TAF1: variants seen among roughly 807,000 people sequenced by gnomAD.
The protein encoded by TAF1 is transcription initiation factor TFIID subunit 1.
Under a neutral mutation model 138.5 loss-of-function variants are expected in TAF1, and 2 were observed. That is an observed-to-expected ratio of 0.01 (90% confidence interval 0.01 to 0.05). TAF1 has a LOEUF of 0.05. TAF1 is among the 10% of genes least tolerant of loss of function. TAF1 has a pLI of 1.00. For synonymous variants in TAF1, 437 were observed against 503.2 expected (o/e 0.87, Z 1.76); for missense variants, 709 against 1,478.0 (o/e 0.48, Z 8.53).
chrX:71,410,081 C>T (rs1300507909), intron 28 of TAF1, among the ~76,000 whole-genome samples: 3 of 109,048 alleles, frequency 2.8e-5, no homozygotes, highest in South Asian at 3.9e-4. Flanking sequence ...TCAGTAGAGA[C>T]GGGATTTCTC....
At chrX:71,455,135 C>A in intron 34 of TAF1, 1 of 958,862 alleles carries the variant, frequency 1.0e-6, no homozygotes, top group Non-Finnish European at 1.4e-6. Flanking sequence ...CTGACCCAGC[C>A]ATCCTCTGGG....
chrX:71,376,418 C>T lies in TAF1; in HGVS notation c.473-532C>T, dbSNP rs183137875. Among the ~76,000 whole-genome samples, 5 of 110,768 alleles carry T rather than the reference C, an allele frequency of 4.5e-5. No homozygotes were observed. The East Asian group carries it at 1.1e-3, about 25-fold the overall frequency. Reference sequence around the variant, plus strand: ...GGTGTGGTGGCTCACACCTGTAATCCGAGCACTTTGGGAGGTGGAGGCAGA... The same window carrying T: ...GGTGTGGTGGCTCACACCTGTAATCTGAGCACTTTGGGAGGTGGAGGCAGA... On this transcript the variant is annotated intron_variant, in intron 4 of 37. Transcript: ENST00000423759.
intron 29 of TAF1, 65 bp from the exon 30 acceptor site, chrX:71,423,052 A>C: frequency 8.4e-7 from 1 of 1,191,468 alleles, no homozygotes; most frequent in Non-Finnish European, 1.1e-6. Context: ...AATTGTCCTT[A>C]ACTTTTCTAT....
At chrX:71,497,894 G>A (rs1198654230) in intron 13 of TAF1, among the ~76,000 whole-genome samples, 1 of 111,751 alleles carries the variant, frequency 8.9e-6, no homozygotes, top group Non-Finnish European at 1.9e-5. Context: ...CTAGGGTGAG[G>A]ATAAGCCAGT....
chrX:71,392,531 GT>G (rs1312285821), intron 18 of TAF1, 37 bp from the exon 19 acceptor site: 1 of 1,124,305 alleles, frequency 8.9e-7, no homozygotes, highest in East Asian at 3.1e-5. Flanking sequence ...TAGAACAAAT[GT>G]TTCCCACTGC....
intron 13 of TAF1, among the ~76,000 whole-genome samples, chrX:71,508,811 AT>A (rs1261183694): frequency 5.6e-4 from 55 of 98,463 alleles, no homozygotes; most frequent in African/African-American, 8.1e-4. Context: ...CTTATCTTGA[AT>A]TTTTTTTTTT....
Position 71,368,186 on chromosome X carries a change from A to G in TAF1, c.352+16A>G. ...TGCCACTCAGGTGATTCTTTGGTGT[A>G]TTGGCTTGAACATTCCAGTGCATTA... On this transcript the variant is annotated intron_variant, in intron 3 of 37. Transcript: ENST00000423759. 5.8e-6 allele frequency: 7 copies of G among 1,202,015 alleles called. 1 individual carries two copies. In the South Asian group the frequency reaches 1.2e-4, roughly 21 times the overall value.
At chrX:71,486,939 T>A (rs886736768) in intron 13 of TAF1, among the ~76,000 whole-genome samples, 1 of 110,421 alleles carries the variant, frequency 9.1e-6, no homozygotes, top group Non-Finnish European at 1.9e-5. Context: ...TAGTCTACTT[T>A]CTATTTTTGT....
In TAF1 at chrX:71,407,997, C is replaced by T; in HGVS notation, c.4230C>T (p.Val1410=). ...AGACATACCCTTTCCACACTCCAGTCAATGCAAAGGTTGTAAAGGACTACT... is the reference window on the plus strand; with the variant it reads ...AGACATACCCTTTCCACACTCCAGTTAATGCAAAGGTTGTAAAGGACTACT... ...LPNTYPFHTP[V]NAKVVKDYYK... is the part of the protein sequence containing the mutation. Residue 1410 remains valine (V), a synonymous_variant, in exon 28 of 38, where the codon GTC becomes GTT. Coordinates refer to ENST00000423759, the MANE Select transcript of TAF1 (RefSeq NM_004606.5). 1 of 1,210,441 alleles carries T rather than the reference C, an allele frequency of 8.3e-7. No homozygotes were observed. The highest frequency in any genetic ancestry group is 1.1e-6 in the Non-Finnish European group (1 of 895,132).
Position 71,387,330 on chromosome X carries a change from A to G in TAF1, c.2296A>G (p.Ile766Val), listed in dbSNP as rs1283513368. ...HKMPETDFLIIRTRQGYYIRE... is the reference protein window; with the variant it reads ...HKMPETDFLIVRTRQGYYIRE... ...GATGCCAGAAACTGATTTCTTGATC[A>G]TTCGGACAAGACAGGGTTACTATAT... Residue 766 changes from isoleucine to valine, a missense_variant, in exon 15 of 38, where the codon ATT (isoleucine) becomes GTT (valine). By Grantham distance (29) the Ile-to-Val change is conservative (BLOSUM62 3). Transcript: ENST00000423759. 1 of 1,210,494 alleles carries G rather than the reference A, an allele frequency of 8.3e-7. No homozygotes were observed. Among genetic ancestry groups the G allele is most frequent in the East Asian group, 3.0e-5 (1 of 33,807 alleles).
intron 13 of TAF1, among the ~76,000 whole-genome samples, chrX:71,524,640 G>C (rs1602116816): frequency 9.5e-6 from 1 of 105,799 alleles, no homozygotes; most frequent in East Asian, 3.0e-4. Flanking sequence ...GCAAGATCCT[G>C]TTTCTAAAAA....
At chrX:71,518,842 C>T (rs1216428075) in intron 13 of TAF1, among the ~76,000 whole-genome samples, 1 of 104,219 alleles carries the variant, frequency 9.6e-6, no homozygotes, top group Non-Finnish European at 2.0e-5. Flanking sequence ...ACTACAGGCG[C>T]GTGCCACCAT....
At chrX:71,398,770 G>A (rs1400059429) in intron 24 of TAF1, 33 bp downstream of exon 24, 1 of 1,162,079 alleles carries the variant, frequency 8.6e-7, no homozygotes, top group East Asian at 3.0e-5. Context: ...ACAGCTAACG[G>A]AGCAAAGGAA....
intron 14 of TAF1, 97 bp downstream of exon 14, chrX:71,385,146 A>G (rs976801253): frequency 5.0e-6 from 3 of 605,320 alleles, no homozygotes; most frequent in Non-Finnish European, 5.0e-6. Flanking sequence ...TAGTTGATTG[A>G]GATGCTTTAA....
intron 3 of TAF1, among the ~76,000 whole-genome samples, chrX:71,372,847 T>C (rs1042459924): frequency 8.9e-6 from 1 of 111,808 alleles, no homozygotes; most frequent in African/African-American, 3.3e-5. Flanking sequence ...AGTTTAGTAG[T>C]AGGAAGTTGC....
intron 25 of TAF1, among the ~76,000 whole-genome samples, chrX:71,403,718 A>G (rs899090221): frequency 4.5e-5 from 5 of 110,949 alleles, no homozygotes; most frequent in African/African-American, 9.8e-5. Context: ...TAATTCTAGC[A>G]TTTCTTCAAC....
At chrX:71,384,267 T>C in intron 13 of TAF1, 132 bp downstream of exon 13, 1 of 728,050 alleles carries the variant, frequency 1.4e-6, no homozygotes, top group Non-Finnish European at 2.0e-6. Context: ...ACAAATTTTT[T>C]ATTATTAACG....
chrX:71,453,220 A>G (rs1352936079), intron 32 of TAF1, among the ~76,000 whole-genome samples: 3 of 111,592 alleles, frequency 2.7e-5, no homozygotes, highest in East Asian at 2.8e-4. Context: ...GAGAGTTCCC[A>G]TATACTCCCT....
intron 23 of TAF1, among the ~76,000 whole-genome samples, chrX:71,397,946 A>C (rs1280007016): frequency 1.8e-5 from 2 of 112,260 alleles, no homozygotes; most frequent in East Asian, 5.6e-4. Flanking sequence ...GAATAGAGCC[A>C]AATTACAGGG....
Sources: gnomAD v4.1 joint callset for allele counts (sites outside exome capture counted in the v4.1 genomes callset) on GRCh38, gnomAD v4.1.1 for gene constraint, MANE v1.5 for transcripts, NCBI Gene and HGNC (gene_info 2026-07-23, HGNC 2026-07-21) for gene names.